The following RGSL1 variants were observed in gnomAD, a reference collection of about 807,000 sequenced individuals.
The protein encoded by RGSL1 is regulator of G protein signaling protein-like.
Under a neutral mutation model 124.7 loss-of-function variants are expected in RGSL1, and 97 were observed. The observed-to-expected ratio is 0.78, with a 90% CI of 0.66 to 0.92. The LOEUF is 0.92. Ranked by LOEUF, RGSL1 falls within the 40% of genes least tolerant of loss-of-function variation. The pLI is 0.00. For synonymous variants in RGSL1, 424 were observed against 438.1 expected (o/e 0.97, Z 0.40); for missense variants, 1,233 against 1,288.4 (o/e 0.96, Z 0.66).
At position 182,450,510 on chromosome 1, in the gene RGSL1, A is replaced by G. The variant is rs1571442946; in HGVS notation, c.13+332A>G. 1.7e-5 allele frequency: 6 copies of G among 360,254 alleles called. No individual in the cohort carries two copies. In the East Asian group the frequency reaches 2.4e-4, roughly 15 times the overall value. The allele number at this position is 360,254 out of a possible 1,614,324, so 22.3% of individuals were successfully genotyped here. On this transcript the variant is annotated intron_variant, in intron 1 of 21. Coordinates refer to ENST00000294854, the MANE Select transcript of RGSL1 (RefSeq NM_001137669.2). Reference sequence around the variant, plus strand: ...TGATTTCATTTGTTGCCAAGTCAATATTATTATGGCGTGGAATGGGTGCTA... The same window carrying G: ...TGATTTCATTTGTTGCCAAGTCAATGTTATTATGGCGTGGAATGGGTGCTA...
chr1:182,538,224 G>C (rs1320014347), intron 14 of RGSL1, among the ~76,000 whole-genome samples: 1 of 152,126 alleles, frequency 6.6e-6, no homozygotes, highest in Non-Finnish European at 1.5e-5. Flanking sequence ...AAAAGTGGAC[G>C]TTCCGATAAA....
At chr1:182,515,191 T>A (rs1657771510) in intron 9 of RGSL1, among the ~76,000 whole-genome samples, 1 of 152,156 alleles carries the variant, frequency 6.6e-6, no homozygotes, top group Admixed American at 6.6e-5. Flanking sequence ...TATGCCTCCA[T>A]CCCGCTACTG....
intron 4 of RGSL1, among the ~76,000 whole-genome samples, chr1:182,463,926 G>A (rs1653059714): frequency 6.6e-6 from 1 of 152,290 alleles, no homozygotes. Flanking sequence ...CTTCTCAAGT[G>A]CACATGGAAC....
At chr1:182,534,008 G>T (rs77182321) in intron 14 of RGSL1, among the ~76,000 whole-genome samples, 6 of 152,206 alleles carry the variant, frequency 3.9e-5, no homozygotes, top group African/African-American at 1.4e-4. Context: ...AGATTAATGA[G>T]ATGGGGCAAA....
chr1:182,528,747 G>A (rs777912822), intron 11 of RGSL1, among the ~76,000 whole-genome samples: 1 of 152,186 alleles, frequency 6.6e-6, no homozygotes, highest in Non-Finnish European at 1.5e-5. Flanking sequence ...ACAGGGTACA[G>A]CCCAACTCCC....
Position 182,472,473 on chromosome 1 carries a change from T to G in RGSL1, c.379T>G (p.Tyr127Asp). 2 of 1,551,214 alleles carry G rather than the reference T, an allele frequency of 1.3e-6. No individual in the cohort carries two copies. Among genetic ancestry groups the G allele is most frequent in the Non-Finnish European group, 1.7e-6 (2 of 1,146,630 alleles). The change falls in exon 5 of 22, where the codon TAC (tyrosine) becomes GAC (aspartate). Residue 127 changes from tyrosine (Y) to aspartate (D), a missense_variant. Coordinates refer to ENST00000294854, the MANE Select transcript of RGSL1 (RefSeq NM_001137669.2). ...TGAGATGGACCTGGAAGTGAGAGAC[T>G]ACTACCTGTCCCTCCTCCTCATGCT... ...IDEMDLEVRD[Y>D]YLSLLLMLRA...
Position 182,558,675 on chromosome 1 carries a change from T to G in RGSL1, c.*166-1604T>G, listed in dbSNP as rs563339478. Among the ~76,000 whole-genome samples, 5 of 152,318 alleles carry G rather than the reference T, an allele frequency of 3.3e-5. No individual in the cohort carries two copies. The South Asian group carries it at 1.0e-3, about 32-fold the overall frequency. On this transcript the variant is annotated intron_variant, in intron 21 of 21. Coordinates refer to ENST00000294854, the MANE Select transcript of RGSL1 (RefSeq NM_001137669.2). The stretch of plus-strand genomic sequence containing the variant: ...TGCATTCCTTGGCTCATGGCCTTCT[T>G]CCTCTGTCTTTAAATCCAGCAATGG...
chr1:182,521,854 A>G (rs1658364976), intron 9 of RGSL1, 150 bp from the exon 10 acceptor site: 2 of 586,382 alleles, frequency 3.4e-6, no homozygotes, highest in Admixed American at 3.0e-5. Context: ...GTCTGTTCTT[A>G]ACACTAGATG....
At chr1:182,470,820 T>C (rs1218938865) in intron 4 of RGSL1, among the ~76,000 whole-genome samples, 1 of 152,190 alleles carries the variant, frequency 6.6e-6, no homozygotes, top group African/African-American at 2.4e-5. Context: ...TCATCTAAAG[T>C]TGAATTAGTA....
intron 15 of RGSL1, among the ~76,000 whole-genome samples, chr1:182,543,721 T>C (rs1660034385): frequency 6.6e-6 from 1 of 152,100 alleles, no homozygotes; most frequent in African/African-American, 2.4e-5. Flanking sequence ...TTACTCATTA[T>C]CTGTTCATTT....
intron 4 of RGSL1, among the ~76,000 whole-genome samples, chr1:182,464,520 T>G (rs576514846): frequency 5.3e-5 from 8 of 152,146 alleles, no homozygotes; most frequent in Non-Finnish European, 1.2e-4. Flanking sequence ...GGTCAGGAGC[T>G]CGAGACCAGC....
intron 8 of RGSL1, among the ~76,000 whole-genome samples, chr1:182,490,733 A>G (rs1655456580): frequency 6.6e-6 from 1 of 152,062 alleles, no homozygotes; most frequent in African/African-American, 2.4e-5. Flanking sequence ...CCTCCATGGA[A>G]GCTCCTTGTC....
chr1:182,483,429 A>G (rs1374777478), intron 6 of RGSL1, among the ~76,000 whole-genome samples: 2 of 152,114 alleles, frequency 1.3e-5, no homozygotes, highest in Admixed American at 1.3e-4. Context: ...ATACCTTAAT[A>G]AAGGACTTAA....
intron 7 of RGSL1, 108 bp from the exon 8 acceptor site, chr1:182,488,872 A>T: frequency 1.2e-6 from 1 of 837,142 alleles, no homozygotes; most frequent in Admixed American, 2.5e-5. Context: ...AACAACCTGC[A>T]TAAGACCATG....
At chr1:182,482,075 C>T (rs894970991) in intron 6 of RGSL1, among the ~76,000 whole-genome samples, 5 of 152,186 alleles carry the variant, frequency 3.3e-5, no homozygotes, top group African/African-American at 1.2e-4. Flanking sequence ...ATAAGGATGG[C>T]TTGACCTATG....
rs1658840556 is a variant in RGSL1 at position 182,527,560 on chromosome 1, A to G, written c.1932-19A>G. Reference sequence around the variant, plus strand: ...CATCATTCCTTTCTCTCTACCAAAGATGCTTTCTTGTTTTCCAGAAACTTG... The same window carrying G: ...CATCATTCCTTTCTCTCTACCAAAGGTGCTTTCTTGTTTTCCAGAAACTTG... On this transcript the variant is annotated intron_variant, in intron 10 of 21. Transcript: ENST00000294854. 2.0e-6 allele frequency: 3 copies of G among 1,532,312 alleles called. No individual in the cohort carries two copies. Among genetic ancestry groups the G allele is most frequent in the Non-Finnish European group, 2.6e-6 (3 of 1,138,246 alleles). 94.9% of individuals were successfully genotyped at this position (1,532,312 alleles called of 1,614,324 possible).
Position 182,540,393 on chromosome 1 carries a change from G to A in RGSL1, c.2641G>A (p.Asp881Asn), listed in dbSNP as rs764357861. 2 of 1,550,512 alleles carry A rather than the reference G, an allele frequency of 1.3e-6. No homozygotes were observed. Among genetic ancestry groups the A allele is most frequent in the Non-Finnish European group, 1.7e-6 (2 of 1,146,462 alleles). ...RIITVNFAIN[D>N]LYFFSEMEKF... Reference sequence around the variant, plus strand: ...TATCACTGTCAACTTTGCGATCAATGATCTATATTTCTTTTCTGAAATGGA... The same window carrying A: ...TATCACTGTCAACTTTGCGATCAATAATCTATATTTCTTTTCTGAAATGGA... Residue 881 changes from aspartate to asparagine, a missense_variant, in exon 15 of 22, where the codon GAT (aspartate) becomes AAT (asparagine). Coordinates refer to ENST00000294854, the MANE Select transcript of RGSL1 (RefSeq NM_001137669.2).
At chr1:182,500,181 T>A (rs185262359) in intron 9 of RGSL1, among the ~76,000 whole-genome samples, 1 of 152,328 alleles carries the variant, frequency 6.6e-6, no homozygotes, top group Non-Finnish European at 1.5e-5. Context: ...TTTGAGTTAA[T>A]TTTTTTGTGT....
chr1:182,450,335 C>T, intron 1 of RGSL1, 157 bp downstream of exon 1: 1 of 790,842 alleles, frequency 1.3e-6, no homozygotes, highest in Non-Finnish European at 2.1e-6. Flanking sequence ...TCTCCTTCTT[C>T]CCCTTCCTCC....
Sources: gnomAD v4.1 joint callset for allele counts (sites outside exome capture counted in the v4.1 genomes callset) on GRCh38, gnomAD v4.1.1 for gene constraint, MANE v1.5 for transcripts, NCBI Gene and HGNC (gene_info 2026-07-23, HGNC 2026-07-21) for gene names.